TDG: variants seen among roughly 807,000 people sequenced by gnomAD.
TDG encodes thymine DNA glycosylase.
A neutral mutation model predicts 46.1 loss-of-function variants in TDG; 23 were observed. The observed-to-expected ratio is 0.50, with a 90% CI of 0.36 to 0.71. The LOEUF is 0.71. Among genes scored for constraint, TDG ranks in the 30% least tolerant of loss-of-function variants. The probability of loss-of-function intolerance (pLI) is 0.00; values close to 1 mark genes in which losing one functional copy is unlikely to be tolerated. For missense variants in TDG, 304 were observed against 486.7 expected (o/e 0.62, Z 3.53); for synonymous variants, 115 against 161.3 (o/e 0.71, Z 2.18).
chr12:103,973,696 G>A (rs776077773), intron 1 of TDG, among the ~76,000 whole-genome samples: 1 of 152,108 alleles, frequency 6.6e-6, no homozygotes, highest in Non-Finnish European at 1.5e-5. Flanking sequence ...ATTTTACTTT[G>A]TGCCAGGTAT....
chr12:103,985,875 G>T, intron 9 of TDG, 147 bp downstream of exon 9: 1 of 877,494 alleles, frequency 1.1e-6, no homozygotes, highest in Non-Finnish European at 1.6e-6. Flanking sequence ...AAAATTGATG[G>T]TTATTTCACG....
chr12:103,968,746 C>T (rs186836694), intron 1 of TDG, among the ~76,000 whole-genome samples: 163 of 152,292 alleles, frequency 1.1e-3, no homozygotes, highest in African/African-American at 3.7e-3. Context: ...CACGTGGGTT[C>T]CTGTTCTTCC....
chr12:103,985,516 A>G, intron 8 of TDG, 87 bp from the exon 9 acceptor site: 9 of 1,437,818 alleles, frequency 6.3e-6, no homozygotes, highest in East Asian at 2.4e-5. Flanking sequence ...ATATTCAAGA[A>G]AAAGAATTGT....
At chr12:103,984,550 T>G (rs1872012727) in intron 7 of TDG, among the ~76,000 whole-genome samples, 199 bp from the exon 8 acceptor site, 1 of 152,156 alleles carries the variant, frequency 6.6e-6, no homozygotes, top group Admixed American at 6.5e-5. Flanking sequence ...AGGCTCATTA[T>G]TTTTCACTTC....
chr12:103,966,128 C>T (rs1032914771), intron 1 of TDG, 68 bp downstream of exon 1: 5 of 1,413,362 alleles, frequency 3.5e-6, no homozygotes, highest in African/African-American at 1.5e-5. Context: ...CTGGCGCGCG[C>T]GCGCGCACGC....
chr12:103,970,191 A>G (rs1026581355), intron 1 of TDG, among the ~76,000 whole-genome samples: 1 of 152,194 alleles, frequency 6.6e-6, no homozygotes, highest in Admixed American at 6.5e-5. Flanking sequence ...GAAAATAGCA[A>G]CTTAGGCTGG....
chr12:103,970,935 GAAAA>G (rs947029676), intron 1 of TDG, among the ~76,000 whole-genome samples: 1 of 149,232 alleles, frequency 6.7e-6, no homozygotes, highest in African/African-American at 2.5e-5. Context: ...AATTATTTGG[GAAAA>G]AAAAAGACAA....
intron 1 of TDG, among the ~76,000 whole-genome samples, chr12:103,974,930 G>T (rs923255441): frequency 7.1e-6 from 1 of 141,634 alleles, no homozygotes; most frequent in Non-Finnish European, 1.5e-5. Context: ...AGCCAAGATC[G>T]CGCCACCACA....
intron 4 of TDG, 67 bp downstream of exon 4, chr12:103,981,029 A>T (rs1198809664): frequency 4.4e-5 from 61 of 1,400,188 alleles, no homozygotes; most frequent in Non-Finnish European, 5.4e-5. Context: ...GTTTTTTCAG[A>T]AAAACCAATT....
chr12:103,981,039 T>G (rs1390451467), intron 4 of TDG, 77 bp downstream of exon 4: 1 of 1,327,794 alleles, frequency 7.5e-7, no homozygotes, highest in Admixed American at 2.0e-5. Flanking sequence ...AAAAACCAAT[T>G]GTGTTTTTAA....
chr12:103,982,655 C>G (rs920472289), intron 4 of TDG, 144 bp from the exon 5 acceptor site: 4 of 695,660 alleles, frequency 5.7e-6, no homozygotes, highest in Non-Finnish European at 9.4e-6. Flanking sequence ...GTTCCAGCCA[C>G]TCAGGAGGCT....
At chr12:103,980,150 G>A in intron 3 of TDG, 78 bp downstream of exon 3, 2 of 1,580,740 alleles carry the variant, frequency 1.3e-6, no homozygotes, top group South Asian at 1.2e-5. Flanking sequence ...CTTGCAAATA[G>A]CATTTTGCTG....
chr12:103,966,167 C>A, intron 1 of TDG, 107 bp downstream of exon 1: 2 of 1,347,102 alleles, frequency 1.5e-6, no homozygotes, highest in Non-Finnish European at 1.9e-6. Context: ...GGCCGGAATA[C>A]AAAGGCCGGG....
At position 103,978,363 on chromosome 12, in the gene TDG, A is replaced by G. The variant is rs571398652; in HGVS notation, c.166+1303A>G. On this transcript the variant is annotated intron_variant, in intron 2 of 9. Coordinates refer to ENST00000392872, the MANE Select transcript of TDG (RefSeq NM_003211.6). Reference sequence around the variant, plus strand: ...TCACCAAGACAGAGAATTAGAAGAAAATAATAGGTTCCAGGGGTGGGAGAG... The same window carrying G: ...TCACCAAGACAGAGAATTAGAAGAAGATAATAGGTTCCAGGGGTGGGAGAG... Among the ~76,000 whole-genome samples, 21 of 152,270 alleles carry G rather than the reference A, an allele frequency of 1.4e-4. 1 individual carries two copies. In the Middle Eastern group the frequency reaches 0.01, roughly 74 times the overall value.
chr12:103,984,717 AT>A, intron 7 of TDG, 31 bp from the exon 8 acceptor site: 1 of 1,407,220 alleles, frequency 7.1e-7, no homozygotes, highest in Non-Finnish European at 9.4e-7. Flanking sequence ...GAATTATAAG[AT>A]TTCTGAAATT....
rs948926347 is a variant in TDG at position 103,975,914 on chromosome 12, G to A, written c.24-1004G>A. Among the ~76,000 whole-genome samples, 3 of 148,220 alleles carry A rather than the reference G, an allele frequency of 2.0e-5. No homozygotes were observed. The East Asian group carries it at 6.2e-4, about 30-fold the overall frequency. ...TGACCTCAGGTGATCTACCCTCCTCGGCCTCCCAAAGTGCTGGGTTTACAG... is the reference window on the plus strand; with the variant it reads ...TGACCTCAGGTGATCTACCCTCCTCAGCCTCCCAAAGTGCTGGGTTTACAG... On this transcript the variant is annotated intron_variant, in intron 1 of 9. Coordinates refer to ENST00000392872, the MANE Select transcript of TDG (RefSeq NM_003211.6).
chr12:103,986,170 C>T (rs1007418173), intron 9 of TDG: 2 of 152,518 alleles, frequency 1.3e-5, no homozygotes, highest in Admixed American at 1.3e-4. Flanking sequence ...ATCTGCCCAC[C>T]TTGGCCTCCA....
At chr12:103,973,179 G>T in intron 1 of TDG, 3 of 614,082 alleles carry the variant, frequency 4.9e-6, no homozygotes, top group Non-Finnish European at 5.8e-6. Flanking sequence ...CCACCTCCTG[G>T]GTTCAAGCGA....
At chr12:103,972,140 A>G (rs928136072) in intron 1 of TDG, among the ~76,000 whole-genome samples, 7 of 151,204 alleles carry the variant, frequency 4.6e-5, no homozygotes, top group Admixed American at 1.3e-4. Flanking sequence ...TTTTTTTTAG[A>G]CAGAGTCTTG....
Sources: allele counts gnomAD v4.1 joint callset (sites outside exome capture counted in the v4.1 genomes callset), GRCh38; gene constraint gnomAD v4.1.1; transcripts MANE v1.5; gene names NCBI Gene and HGNC (gene_info 2026-07-23, HGNC 2026-07-21).